MEI4: variants seen among roughly 807,000 people sequenced by gnomAD.
MEI4 encodes meiotic double-stranded break formation protein 4.
Under a neutral mutation model 31.4 loss-of-function variants are expected in MEI4, and 27 were observed. The ratio of observed to expected loss-of-function variants is 0.86; its 90% CI spans 0.63 to 1.19. MEI4 has a LOEUF of 1.19. Ranked by LOEUF, MEI4 falls within the 50% of genes most tolerant of loss-of-function variation. The pLI, the probability that MEI4 is intolerant of heterozygous loss-of-function variation, is 0.00. For missense variants in MEI4, 329 were observed against 398.9 expected, an observed-to-expected ratio of 0.82 and a Z score of 1.49; for synonymous variants, 122 against 145.4, an observed-to-expected ratio of 0.84 and a Z score of 1.16.
chr6:77,849,402 A>C (rs1380667469), intron 4 of MEI4, among the ~76,000 whole-genome samples: 1 of 152,152 alleles, frequency 6.6e-6, no homozygotes, highest in Non-Finnish European at 1.5e-5. Context: ...TAGTGATGGC[A>C]CAATAAGGTG....
chr6:77,707,557 A>G (rs145754210), intron 2 of MEI4, among the ~76,000 whole-genome samples: 78 of 152,354 alleles, frequency 5.1e-4, no homozygotes, highest in African/African-American at 1.8e-3. Context: ...ATCACTTTCT[A>G]GAGAGATTTG....
intron 4 of MEI4, among the ~76,000 whole-genome samples, chr6:77,874,638 C>G (rs1030726935): frequency 6.6e-6 from 1 of 152,066 alleles, no homozygotes; most frequent in Non-Finnish European, 1.5e-5. Flanking sequence ...ACTTCCAACA[C>G]TATGTTGAAT....
At chr6:77,720,483 T>C (rs1766686682) in intron 2 of MEI4, among the ~76,000 whole-genome samples, 1 of 120,312 alleles carries the variant, frequency 8.3e-6, no homozygotes, top group Non-Finnish European at 1.7e-5. Flanking sequence ...TTCTCCTGTT[T>C]GGCAAGTTGC....
At chr6:77,861,015 T>A (rs1334249958) in intron 4 of MEI4, among the ~76,000 whole-genome samples, 2 of 152,188 alleles carry the variant, frequency 1.3e-5, no homozygotes, top group Non-Finnish European at 2.9e-5. Flanking sequence ...AGTATCACCT[T>A]CTCAGAGAGG....
chr6:77,873,359 G>A (rs1771246466), intron 4 of MEI4, among the ~76,000 whole-genome samples: 1 of 152,128 alleles, frequency 6.6e-6, no homozygotes, highest in Non-Finnish European at 1.5e-5. Flanking sequence ...GCCAGTGATG[G>A]TGAGCATTTT....
intron 4 of MEI4, among the ~76,000 whole-genome samples, chr6:77,835,098 A>C (rs1770182131): frequency 6.7e-6 from 1 of 149,824 alleles, no homozygotes; most frequent in South Asian, 2.1e-4. Flanking sequence ...ATAATTCTAT[A>C]TTATAATTTT....
chr6:77,737,238 G>T (rs1337710947), intron 2 of MEI4, among the ~76,000 whole-genome samples: 1 of 152,182 alleles, frequency 6.6e-6, no homozygotes, highest in Non-Finnish European at 1.5e-5. Flanking sequence ...GTTATCTGAT[G>T]GATAAGGCTA....
intron 4 of MEI4, among the ~76,000 whole-genome samples, chr6:77,894,128 G>C (rs548868951): frequency 5.3e-5 from 8 of 152,174 alleles, no homozygotes; most frequent in South Asian, 2.1e-4. Context: ...CAGACTTATT[G>C]AATGGTTTAT....
intron 4 of MEI4, among the ~76,000 whole-genome samples, chr6:77,918,338 A>G (rs909640663): frequency 7.1e-5 from 10 of 140,050 alleles, no homozygotes; most frequent in Admixed American, 5.9e-4. Flanking sequence ...GATGGCATTG[A>G]ATCTGTAAAT....
intron 2 of MEI4, among the ~76,000 whole-genome samples, chr6:77,752,643 T>C (rs1215630453): frequency 2.0e-5 from 3 of 152,222 alleles, no homozygotes; most frequent in Non-Finnish European, 2.9e-5. Flanking sequence ...TCCATGCTCA[T>C]TGATAGGAAG....
At chr6:77,744,333 AGGAGCCGATGCAATCAACTGG>A (rs1767516839) in intron 2 of MEI4, among the ~76,000 whole-genome samples, 1 of 152,198 alleles carries the variant, frequency 6.6e-6, no homozygotes, top group South Asian at 2.1e-4. Context: ...CAGAAGCCTC[AGGAGCCGATGCAATCAACTGG>A]AAGAAAGGGT....
intron 1 of MEI4, among the ~76,000 whole-genome samples, chr6:77,656,468 G>A (rs1768397147): frequency 6.6e-6 from 1 of 151,972 alleles, no homozygotes; most frequent in Non-Finnish European, 1.5e-5. Flanking sequence ...TGTCTGAACT[G>A]TTGTGTACTT....
chr6:77,900,727 A>G (rs1471259549), intron 4 of MEI4, among the ~76,000 whole-genome samples: 1 of 151,956 alleles, frequency 6.6e-6, no homozygotes, highest in East Asian at 1.9e-4. Context: ...TTTTTGTGAT[A>G]AGAACACTTA....
At chr6:77,695,978 A>C (rs368207769) in intron 2 of MEI4, among the ~76,000 whole-genome samples, 1 of 152,126 alleles carries the variant, frequency 6.6e-6, no homozygotes, top group Non-Finnish European at 1.5e-5. Flanking sequence ...GAGGTCCTTC[A>C]CATCCCTTGT....
intron 3 of MEI4, among the ~76,000 whole-genome samples, chr6:77,813,546 A>G (rs183718410): frequency 6.7e-6 from 1 of 150,244 alleles, no homozygotes; most frequent in African/African-American, 2.5e-5. Context: ...TCTAGGGTAC[A>G]TGTGAGAACA....
chr6:77,660,897 TAAC>T (rs1160550944), intron 1 of MEI4, among the ~76,000 whole-genome samples: 2 of 152,056 alleles, frequency 1.3e-5, no homozygotes, highest in Non-Finnish European at 2.9e-5. Flanking sequence ...GTCAGATTCT[TAAC>T]AAGAACTGAT....
Position 77,847,626 on chromosome 6 carries a change from T to C in MEI4, c.900+18564T>C, listed in dbSNP as rs1484535336. On this transcript the variant is annotated intron_variant, in intron 4 of 4. Coordinates refer to ENST00000684080, the MANE Select transcript of MEI4 (RefSeq NM_001322247.2). This position sits in a 1 kb window ranked among gnomAD's most constrained non-coding sequence, Gnocchi z 4.6. ...CTAATGCCTTCTATGAAGACTTCTC[T>C]AATCAGCATGGAAAGGAGCAGCCAT... 6.6e-6 allele frequency among the ~76,000 whole-genome samples: 1 copy of C among 152,208 alleles called. No individual in the cohort carries two copies. Among genetic ancestry groups the C allele is most frequent in the African/African-American group, 2.4e-5 (1 of 41,468 alleles).
intron 2 of MEI4, among the ~76,000 whole-genome samples, chr6:77,722,847 A>G (rs1766743043): frequency 1.5e-5 from 2 of 129,066 alleles, no homozygotes; most frequent in South Asian, 2.6e-4. Context: ...CATCTGCTCC[A>G]GTGTCTACCA....
At chr6:77,687,745 G>A (rs1324429903) in intron 1 of MEI4, among the ~76,000 whole-genome samples, 1 of 152,030 alleles carries the variant, frequency 6.6e-6, no homozygotes, top group African/African-American at 2.4e-5. Flanking sequence ...TGGGAGAGAT[G>A]CATAGGGCCA....
Sources: gnomAD v4.1 joint callset for allele counts (sites outside exome capture counted in the v4.1 genomes callset) on GRCh38, gnomAD v4.1.1 for gene constraint, Gnocchi (gnomAD v3.1) non-coding constraint, MANE v1.5 for transcripts, NCBI Gene and HGNC (gene_info 2026-07-23, HGNC 2026-07-21) for gene names.